The following CHRM2 variants were observed in gnomAD, a reference collection of about 807,000 sequenced individuals.
CHRM2 encodes muscarinic acetylcholine receptor M2.
Under a neutral mutation model 25.0 loss-of-function variants are expected in CHRM2, and 8 were observed. The observed-to-expected ratio is 0.32, with a 90% CI of 0.19 to 0.58. The LOEUF is 0.58. Ranked by LOEUF, CHRM2 falls within the 20% of genes least tolerant of loss-of-function variation. The probability of loss-of-function intolerance (pLI) is 0.88; values close to 1 mark genes in which losing one functional copy is unlikely to be tolerated. For missense variants in CHRM2, 440 were observed against 567.1 expected (o/e 0.78, Z 2.28); for synonymous variants, 202 against 205.7 (o/e 0.98, Z 0.15).
At chr7:136,941,827 G>C (rs911794036) in intron 2 of CHRM2, among the ~76,000 whole-genome samples, 14 of 152,162 alleles carry the variant, frequency 9.2e-5, no homozygotes, top group Non-Finnish European at 1.8e-4. Context: ...TAATTGCCAG[G>C]ATATCTTCAT....
In CHRM2 at chr7:137,011,215, G is replaced by GTGTGTGTATATATATATA; in HGVS notation, c.-46-3604_-46-3603insGTGTGTATATATATATAT. 1.4e-3 allele frequency among the ~76,000 whole-genome samples: 187 copies of GTGTGTGTATATATATATA among 134,300 alleles called. 3 individuals are homozygous for GTGTGTGTATATATATATA. In the East Asian group the frequency reaches 0.022, roughly 16 times the overall value. 88.1% of individuals were successfully genotyped at this position (134,300 alleles called of 152,430 possible). A position where few individuals can be genotyped will look rare whatever the true frequency, so the allele number is the denominator to read the frequency against. ...TGTACGTGTGTGTGTGTGTGTGTGT[G>GTGTGTGTATATATATATA]TATATATATATATATATATGGATTT... On this transcript the variant is annotated intron_variant, in intron 3 of 3. Transcript: ENST00000680005.
chr7:136,879,189 T>C (rs1796163685), intron 2 of CHRM2, among the ~76,000 whole-genome samples: 1 of 151,976 alleles, frequency 6.6e-6, no homozygotes, highest in Non-Finnish European at 1.5e-5. Flanking sequence ...TTCCAAGGCA[T>C]ACAATATTTA....
intron 2 of CHRM2, among the ~76,000 whole-genome samples, chr7:136,889,206 A>G (rs1386149071): frequency 6.6e-6 from 1 of 152,088 alleles, no homozygotes; most frequent in Non-Finnish European, 1.5e-5. Flanking sequence ...GATTTCTGAG[A>G]GAAGGGCTGG....
chr7:136,938,824 G>T (rs1457037687), intron 2 of CHRM2, among the ~76,000 whole-genome samples: 1 of 149,924 alleles, frequency 6.7e-6, no homozygotes, highest in Non-Finnish European at 1.5e-5. Context: ...ACCCGCAGGG[G>T]AGTTTACTAC....
intron 2 of CHRM2, among the ~76,000 whole-genome samples, chr7:136,872,964 C>CA (rs1795898282): frequency 6.6e-6 from 1 of 152,356 alleles, no homozygotes; most frequent in East Asian, 1.9e-4. Context: ...CTGTCTTAAA[C>CA]TTTTCCCACT....
chr7:136,986,594 T>C (rs12707339), intron 2 of CHRM2, among the ~76,000 whole-genome samples: 26,316 of 152,142 alleles, frequency 0.17, 2,555 homozygotes, highest in African/African-American at 0.2. Flanking sequence ...TTTGGGCAAT[T>C]AGCATCAACC....
chr7:136,904,770 G>C (rs1249383830), intron 2 of CHRM2, among the ~76,000 whole-genome samples: 1 of 151,870 alleles, frequency 6.6e-6, no homozygotes, highest in Non-Finnish European at 1.5e-5. Context: ...AATATAGCCT[G>C]GTTAACATTA....
intron 2 of CHRM2, among the ~76,000 whole-genome samples, chr7:136,946,042 C>T (rs1215420028): frequency 2.0e-5 from 3 of 152,022 alleles, no homozygotes. Flanking sequence ...GATTCTTGTC[C>T]CGGCTTTGCT....
chr7:136,886,078 G>A (rs1796452750), intron 2 of CHRM2, among the ~76,000 whole-genome samples: 1 of 151,902 alleles, frequency 6.6e-6, no homozygotes, highest in Non-Finnish European at 1.5e-5. Context: ...GTCATCGAAG[G>A]GAAACATTTT....
At chr7:136,967,502 C>T (rs992187401) in intron 2 of CHRM2, among the ~76,000 whole-genome samples, 2 of 151,826 alleles carry the variant, frequency 1.3e-5, no homozygotes, top group African/African-American at 4.8e-5. Flanking sequence ...TATTGACTAA[C>T]CAAGTAGAGG....
rs991357158 is a variant in CHRM2, at chr7:137,016,383, G to A, written c.*117G>A. 28 of 1,123,686 alleles carry A rather than the reference G, an allele frequency of 2.5e-5. No homozygotes were observed. In the African/African-American group the frequency reaches 2.8e-4, roughly 11 times the overall value. The allele number at this position is 1,123,686 out of a possible 1,614,324, so 69.6% of individuals were successfully genotyped here. On this transcript the variant is annotated 3_prime_UTR_variant, in exon 4 of 4. Coordinates refer to ENST00000680005, the MANE Select transcript of CHRM2 (RefSeq NM_001006630.2). ...GCACTTTATAGTCTGATTACAAAAC[G>A]TGCAATTCAGGAGCCCAGCAGTGAC...
intron 3 of CHRM2, among the ~76,000 whole-genome samples, chr7:136,998,719 A>G (rs968090967): frequency 7.9e-5 from 12 of 152,328 alleles, no homozygotes; most frequent in East Asian, 1.9e-4. Flanking sequence ...AACGTGAGAA[A>G]CGGAGAGGTG....
intron 2 of CHRM2, among the ~76,000 whole-genome samples, chr7:136,977,254 T>C (rs1802163682): frequency 6.6e-6 from 1 of 152,152 alleles, no homozygotes. Flanking sequence ...TTTCATGATA[T>C]CTATTCTCTG....
At chr7:137,004,554 G>A (rs1804291162) in intron 3 of CHRM2, among the ~76,000 whole-genome samples, 1 of 152,028 alleles carries the variant, frequency 6.6e-6, no homozygotes, top group Admixed American at 6.6e-5. Flanking sequence ...CGGAAGAGAG[G>A]GTGGGCACAG....
chr7:137,007,819 A>T (rs997467860), intron 3 of CHRM2, among the ~76,000 whole-genome samples: 3 of 152,106 alleles, frequency 2.0e-5, no homozygotes, highest in African/African-American at 7.2e-5. Context: ...TGTACAATTG[A>T]ACCTTTCTTT....
intron 3 of CHRM2, among the ~76,000 whole-genome samples, chr7:136,994,343 T>C (rs1337855427): frequency 1.3e-5 from 2 of 152,154 alleles, no homozygotes; most frequent in Admixed American, 6.6e-5. Flanking sequence ...TATTTCTGAG[T>C]TGCTCCTGCA....
At chr7:136,959,646 C>A (rs547905817) in intron 2 of CHRM2, among the ~76,000 whole-genome samples, 1 of 152,300 alleles carries the variant, frequency 6.6e-6, no homozygotes, top group African/African-American at 2.4e-5. Context: ...GCCACGGTGG[C>A]TCACACCTGT....
At chr7:136,871,977 T>C (rs1463901101) in intron 2 of CHRM2, 1 of 152,226 alleles carries the variant, frequency 6.6e-6, no homozygotes, top group Non-Finnish European at 1.5e-5. Context: ...TTGACTCTAT[T>C]TGCTTTCCTG....
At chr7:136,943,672 C>T (rs551316621) in intron 2 of CHRM2, among the ~76,000 whole-genome samples, 1 of 145,862 alleles carries the variant, frequency 6.9e-6, no homozygotes, top group Non-Finnish European at 1.5e-5. Context: ...AGAACTTCTT[C>T]CAAAGACCAG....
Sources: gnomAD v4.1 joint callset for allele counts (sites outside exome capture counted in the v4.1 genomes callset) on GRCh38, gnomAD v4.1.1 for gene constraint, MANE v1.5 for transcripts, NCBI Gene and HGNC (gene_info 2026-07-23, HGNC 2026-07-21) for gene names.